The following HEMK2 variants were observed in gnomAD, a reference collection of about 807,000 sequenced individuals.
HEMK2 encodes methyltransferase HEMK2.
At chr21:28,860,164 ACTG>A in the HEMK2 span, among the ~76,000 whole-genome samples, 1 of 152,124 alleles carries the variant, frequency 6.6e-6, no homozygotes, top group African/African-American at 2.4e-5. Context: ...AATTTGAGTC[ACTG>A]GGCTGGGAAA....
chr21:28,644,246 T>C, the HEMK2 span, among the ~76,000 whole-genome samples: 2 of 152,100 alleles, frequency 1.3e-5, no homozygotes, highest in African/African-American at 2.4e-5. Context: ...GAATAACCAA[T>C]GGAGAAACTT....
chr21:28,712,906 T>G, the HEMK2 span, among the ~76,000 whole-genome samples: 1 of 152,232 alleles, frequency 6.6e-6, no homozygotes, highest in Admixed American at 6.5e-5. Context: ...GCAAACCTAC[T>G]ATTTTTGTGT....
At chr21:28,603,249 G>A in the HEMK2 span, among the ~76,000 whole-genome samples, 2 of 152,108 alleles carry the variant, frequency 1.3e-5, no homozygotes, top group Non-Finnish European at 2.9e-5. Context: ...TAAATCATTT[G>A]CCACTAATAC....
chr21:28,770,127 A>T, the HEMK2 span, among the ~76,000 whole-genome samples: 1 of 152,146 alleles, frequency 6.6e-6, no homozygotes, highest in African/African-American at 2.4e-5. Flanking sequence ...TGTGACGTTG[A>T]ATTTGTAAGT....
the HEMK2 span, among the ~76,000 whole-genome samples, chr21:28,800,900 C>T: frequency 6.6e-6 from 1 of 152,140 alleles, no homozygotes; most frequent in Admixed American, 6.5e-5. Flanking sequence ...ACCTGTGGGG[C>T]CCATCATTGA....
chr21:28,667,485 T>C, the HEMK2 span, among the ~76,000 whole-genome samples: 1 of 152,170 alleles, frequency 6.6e-6, no homozygotes, highest in Non-Finnish European at 1.5e-5. Flanking sequence ...CGAATACACA[T>C]TTTGCTTCTG....
At chr21:28,676,722 T>C in the HEMK2 span, among the ~76,000 whole-genome samples, 524 of 152,238 alleles carry the variant, frequency 3.4e-3, 2 homozygotes, top group African/African-American at 0.012. Context: ...TAGCGGACCC[T>C]GGCTTTGTGG....
chr21:28,698,117 T>C, the HEMK2 span, among the ~76,000 whole-genome samples: 1 of 152,236 alleles, frequency 6.6e-6, no homozygotes, highest in South Asian at 2.1e-4. Context: ...GACCCACTTC[T>C]TAATACTATT....
chr21:28,884,516 A>T, the HEMK2 span, among the ~76,000 whole-genome samples: 5 of 152,250 alleles, frequency 3.3e-5, 1 homozygote, highest in Admixed American at 3.3e-4. Flanking sequence ...GTCAGTATTC[A>T]TTCCTTCTGC....
the HEMK2 span, among the ~76,000 whole-genome samples, chr21:28,834,186 C>T: frequency 5.3e-5 from 8 of 152,284 alleles, no homozygotes; most frequent in African/African-American, 1.9e-4. Flanking sequence ...CAACTCCAGA[C>T]AGAGCAGTGT....
chr21:28,865,232 C>T, the HEMK2 span, among the ~76,000 whole-genome samples: 1 of 152,240 alleles, frequency 6.6e-6, no homozygotes, highest in African/African-American at 2.4e-5. Flanking sequence ...GTGGCACAAT[C>T]TCCACTCACT....
chr21:28,582,889 T>C, the HEMK2 span, among the ~76,000 whole-genome samples: 1 of 152,210 alleles, frequency 6.6e-6, no homozygotes, highest in African/African-American at 2.4e-5. Context: ...CTGGTTGTTA[T>C]CTGAAAACCT....
chr21:28,827,974 T>C, the HEMK2 span, among the ~76,000 whole-genome samples: 1 of 152,194 alleles, frequency 6.6e-6, no homozygotes, highest in Non-Finnish European at 1.5e-5. Context: ...TGTAGGTATG[T>C]GCATATACTT....
chr21:28,658,488 G>C, the HEMK2 span, among the ~76,000 whole-genome samples: 4 of 152,022 alleles, frequency 2.6e-5, no homozygotes, highest in African/African-American at 2.4e-5. Flanking sequence ...CCCTAAAATA[G>C]AGCTGAAAGG....
the HEMK2 span, among the ~76,000 whole-genome samples, chr21:28,811,477 AAG>A: frequency 2.6e-5 from 4 of 151,860 alleles, no homozygotes; most frequent in African/African-American, 9.7e-5. Flanking sequence ...GAGGGAAAGA[AAG>A]AAAAGAAAGA....
At chr21:28,722,482 T>C in the HEMK2 span, among the ~76,000 whole-genome samples, 13 of 152,200 alleles carry the variant, frequency 8.5e-5, no homozygotes, top group Non-Finnish European at 1.8e-4. Flanking sequence ...CAAAAATCAA[T>C]TGAAAATTAT....
At chr21:28,800,444 T>A in the HEMK2 span, among the ~76,000 whole-genome samples, 1 of 152,202 alleles carries the variant, frequency 6.6e-6, no homozygotes, top group Non-Finnish European at 1.5e-5. Flanking sequence ...TATGTTTCCC[T>A]GCATTTGGCA....
chr21:28,841,396 T>TA, the HEMK2 span, among the ~76,000 whole-genome samples: 1 of 32,942 alleles, frequency 3.0e-5, no homozygotes, highest in Non-Finnish European at 4.3e-5. Flanking sequence ...TATAAAATAT[T>TA]ATATATATAA....
At chr21:28,761,054 G>C in the HEMK2 span, among the ~76,000 whole-genome samples, 2 of 151,782 alleles carry the variant, frequency 1.3e-5, no homozygotes, top group African/African-American at 4.8e-5. Context: ...TTACTGTTTT[G>C]CTTTGTTCTG....
Sources: gnomAD v4.1 joint callset for allele counts (sites outside exome capture counted in the v4.1 genomes callset) on GRCh38, gnomAD v4.1.1 for gene constraint, MANE v1.5 for transcripts, NCBI Gene and HGNC (gene_info 2026-07-23, HGNC 2026-07-21) for gene names.